The following EPHA4 variants were observed in gnomAD, a reference collection of about 807,000 sequenced individuals.
EPHA4 encodes ephrin type-A receptor 4.
A neutral mutation model predicts 108.3 loss-of-function variants in EPHA4; 19 were observed. That is an observed-to-expected ratio of 0.18 (90% CI 0.12 to 0.26). EPHA4 has a LOEUF of 0.26. Ranked by LOEUF, EPHA4 falls within the 10% of genes least tolerant of loss-of-function variation. EPHA4 has a pLI of 1.00. For synonymous variants in EPHA4, 449 were observed against 455.5 expected (o/e 0.99, Z 0.18); for missense variants, 917 against 1,254.0 (o/e 0.73, Z 4.06).
chr2:221,486,735 AAATAATAATAATAAT>A lies in EPHA4; in HGVS notation c.980-4060_980-4046del, dbSNP rs34218724. The stretch of plus-strand genomic sequence containing the variant: ...GGTAACAGAGTGAGACTCTGTCTCA[AAATAATAATAATAAT>A]AATAATAATAATAATAATAATAATA... On this transcript the variant is annotated intron_variant, in intron 4 of 17. Coordinates refer to ENST00000281821, the MANE Select transcript of EPHA4 (RefSeq NM_004438.5). 3.1e-4 allele frequency among the ~76,000 whole-genome samples: 43 copies of A among 139,004 alleles called. 1 individual carries two copies. Among genetic ancestry groups the A allele is most frequent in the South Asian group, 9.6e-4 (4 of 4,166 alleles). 91.2% of individuals were successfully genotyped at this position (139,004 alleles called of 152,430 possible). A position where few individuals can be genotyped will look rare whatever the true frequency, so the allele number is the denominator to read the frequency against.
chr2:221,523,186 T>C (rs180763311), intron 3 of EPHA4, among the ~76,000 whole-genome samples: 1 of 152,312 alleles, frequency 6.6e-6, no homozygotes, highest in Admixed American at 6.5e-5. Context: ...TAGCAAGTAG[T>C]TACTGGGGCT....
At chr2:221,501,288 C>CAA in intron 3 of EPHA4, 116 bp from the exon 4 acceptor site, 1 of 904,906 alleles carries the variant, frequency 1.1e-6, no homozygotes, top group Non-Finnish European at 1.6e-6. Flanking sequence ...TAATCATTAG[C>CAA]GATCATGTGG....
chr2:221,523,374 G>A (rs945797315), intron 3 of EPHA4, among the ~76,000 whole-genome samples: 10 of 148,888 alleles, frequency 6.7e-5, no homozygotes, highest in East Asian at 6.1e-4. Context: ...CACAACCTCC[G>A]CCTCCCAAGT....
rs751412916 is a variant in EPHA4 at position 221,436,544 on chromosome 2, A to G, written c.2201T>C (p.Met734Thr). 1.9e-6 allele frequency: 3 copies of G among 1,614,152 alleles called. No individual in the cohort carries two copies. In the South Asian group the frequency reaches 3.3e-5, roughly 18 times the overall value. The change falls in exon 13 of 18, where the codon ATG (methionine) becomes ACG (threonine). Residue 734 changes from methionine (M) to threonine (T), a missense_variant. This residue lies in a region of EPHA4 where 758 missense variants were observed against 1,076.7 expected (regional missense o/e 0.70). Coordinates refer to ENST00000281821, the MANE Select transcript of EPHA4 (RefSeq NM_004438.5). The part of the protein sequence containing the change: ...VGMLRGIGSG[M>T]KYLSDMSYVH... ...ATAGCTCATATCAGATAAATACTTC[A>G]TCCCAGACCCAATGCCACGAAGCAT... is the stretch of plus-strand genomic sequence containing the variant.
At chr2:221,469,746 A>C (rs1238969978) in intron 5 of EPHA4, among the ~76,000 whole-genome samples, 1 of 152,206 alleles carries the variant, frequency 6.6e-6, no homozygotes, top group Non-Finnish European at 1.5e-5. Flanking sequence ...TACGGCTGCC[A>C]AATGGCCGGG....
chr2:221,568,030 G>A (rs115716792), intron 2 of EPHA4, among the ~76,000 whole-genome samples: 8 of 152,322 alleles, frequency 5.3e-5, no homozygotes, highest in Non-Finnish European at 8.8e-5. Flanking sequence ...GTAAGATGGA[G>A]GCAGTAATGA....
At position 221,436,563 on chromosome 2, in the gene EPHA4, G is replaced by A. The variant is rs376275374; in HGVS notation, c.2182C>T (p.Arg728Cys). 10 of 1,614,054 alleles carry A rather than the reference G, an allele frequency of 6.2e-6. No homozygotes were observed. The highest frequency in any genetic ancestry group is 8.5e-6 in the Non-Finnish European group (10 of 1,180,036). The change falls in exon 13 of 18, where the codon CGT (arginine) becomes TGT (cysteine). Residue 728 changes from arginine (R) to cysteine (C), a missense_variant. Physicochemically the swap from Arg to Cys is radical, Grantham distance 180. This residue lies in a region of EPHA4 where 758 missense variants were observed against 1,076.7 expected (regional missense o/e 0.70). Transcript: ENST00000281821. ...TACTTCATCCCAGACCCAATGCCAC[G>A]AAGCATGCCCACCAGCTGAATGACT... ...FTVIQLVGML[R>C]GIGSGMKYLS...
chr2:221,529,937 C>T (rs1450751697), intron 3 of EPHA4, among the ~76,000 whole-genome samples: 4 of 151,988 alleles, frequency 2.6e-5, no homozygotes, highest in East Asian at 1.9e-4. Flanking sequence ...TGAGGATGTC[C>T]GACCTACCAC....
chr2:221,539,983 GA>G (rs1214669324), intron 3 of EPHA4, among the ~76,000 whole-genome samples: 1 of 151,890 alleles, frequency 6.6e-6, no homozygotes, highest in Non-Finnish European at 1.5e-5. Context: ...AATATACCAC[GA>G]TCTCCACTCA....
chr2:221,556,989 T>G (rs770993728), intron 3 of EPHA4, among the ~76,000 whole-genome samples: 3 of 151,986 alleles, frequency 2.0e-5, no homozygotes, highest in Non-Finnish European at 2.9e-5. Context: ...GGGATCACTG[T>G]ATTTGCTTCT....
chr2:221,502,499 C>T (rs1049424335), intron 3 of EPHA4: 3 of 470,850 alleles, frequency 6.4e-6, no homozygotes, highest in Non-Finnish European at 1.3e-5. Context: ...CAAAACGGAA[C>T]AACCATGCAG....
intron 5 of EPHA4, among the ~76,000 whole-genome samples, chr2:221,470,199 T>C (rs981716245): frequency 2.0e-5 from 3 of 152,204 alleles, no homozygotes; most frequent in Non-Finnish European, 4.4e-5. Flanking sequence ...CAATGTGTTC[T>C]GTGCTATTTG....
chr2:221,454,919 T>A (rs1337496693), intron 8 of EPHA4, among the ~76,000 whole-genome samples: 2 of 152,184 alleles, frequency 1.3e-5, no homozygotes, highest in Admixed American at 1.3e-4. Flanking sequence ...AGGGATAATC[T>A]CTAGAAATCC....
chr2:221,465,843 A>G (rs1182176397), intron 5 of EPHA4, among the ~76,000 whole-genome samples: 2 of 152,212 alleles, frequency 1.3e-5, no homozygotes. Flanking sequence ...ATTTGGGGTT[A>G]AAACAGGTAC....
intron 3 of EPHA4, among the ~76,000 whole-genome samples, chr2:221,522,767 ATTATTATT>A (rs1559278115): frequency 9.9e-6 from 1 of 101,076 alleles, no homozygotes; most frequent in African/African-American, 4.4e-5. Context: ...TATTATTATT[ATTATTATT>A]TTTTTGAGAC....
At chr2:221,520,065 T>C (rs1693113538) in intron 3 of EPHA4, among the ~76,000 whole-genome samples, 1 of 152,144 alleles carries the variant, frequency 6.6e-6, no homozygotes, top group Admixed American at 6.5e-5. Context: ...TTTGTGTAAT[T>C]TTTAAAAAGT....
At chr2:221,460,763 C>T (rs1429618919) in intron 5 of EPHA4, among the ~76,000 whole-genome samples, 1 of 152,170 alleles carries the variant, frequency 6.6e-6, no homozygotes. Flanking sequence ...GTGTGCCTGC[C>T]TATGGGTCAT....
In EPHA4 at chr2:221,420,302, T is replaced by G. The variant is rs973180313; in HGVS notation, c.*1070A>C. The stretch of plus-strand genomic sequence containing the variant: ...TGCTGCGAGACAGTGCATTCCTCAG[T>G]GCAACTGGAGAACAGATGCTGAATC... On this transcript the variant is annotated 3_prime_UTR_variant, in exon 18 of 18. Coordinates refer to ENST00000281821, the MANE Select transcript of EPHA4 (RefSeq NM_004438.5). 22 of 152,690 alleles carry G rather than the reference T, an allele frequency of 1.4e-4. No individual in the cohort carries two copies. Among genetic ancestry groups the G allele is most frequent in the Non-Finnish European group, 3.1e-4 (21 of 68,054 alleles). The allele number at this position is 152,690 out of a possible 1,614,324, so 9.5% of individuals were successfully genotyped here.
chr2:221,420,997 A>G (rs764405968), intron 17 of EPHA4, among the ~76,000 whole-genome samples: 1 of 152,160 alleles, frequency 6.6e-6, no homozygotes, highest in Non-Finnish European at 1.5e-5. Context: ...AACAATAATG[A>G]TTGAAAAATG....
Sources: gnomAD v4.1 joint callset for allele counts (sites outside exome capture counted in the v4.1 genomes callset) on GRCh38, gnomAD v4.1.1 for gene constraint, gnomAD v4.1.1 regional missense constraint, MANE v1.5 for transcripts, NCBI Gene and HGNC (gene_info 2026-07-23, HGNC 2026-07-21) for gene names.